The following SEZ6L variants were observed in gnomAD, a reference collection of about 807,000 sequenced individuals.
The protein encoded by SEZ6L is seizure 6-like protein.
A neutral mutation model predicts 106.2 loss-of-function variants in SEZ6L; 37 were observed. The observed-to-expected ratio is 0.35, with a 90% CI of 0.27 to 0.46. The LOEUF (loss-of-function observed/expected upper bound fraction) is 0.46. SEZ6L is among the 20% of genes least tolerant of loss of function. The probability of loss-of-function intolerance (pLI) is 1.00; values close to 1 mark genes in which losing one functional copy is unlikely to be tolerated. For synonymous variants in SEZ6L, 541 were observed against 570.4 expected, an observed-to-expected ratio of 0.95 and a Z score of 0.73; for missense variants, 1,172 against 1,332.8, an observed-to-expected ratio of 0.88 and a Z score of 1.88.
intron 14 of SEZ6L, 40 bp downstream of exon 14, chr22:26,373,523 A>G (rs1241964347): frequency 1.3e-6 from 2 of 1,513,482 alleles, no homozygotes; most frequent in Non-Finnish European, 1.8e-6. Context: ...TCAATAAATC[A>G]AACTAATAGC....
chr22:26,245,009 C>G (rs904405796), intron 1 of SEZ6L, among the ~76,000 whole-genome samples: 2 of 152,146 alleles, frequency 1.3e-5, no homozygotes, highest in East Asian at 3.9e-4. Context: ...ATTATTTGGG[C>G]AGCACGCAAG....
At chr22:26,242,302 G>T (rs5761434) in intron 1 of SEZ6L, among the ~76,000 whole-genome samples, 38,786 of 152,178 alleles carry the variant, frequency 0.25, 5,166 homozygotes, top group East Asian at 0.42. Flanking sequence ...ATATCCTCCA[G>T]TCCATGGGGC....
Position 26,369,341 on chromosome 22 carries a change from C to CTT in SEZ6L, c.2794+3778_2794+3779dup, listed in dbSNP as rs199641007. Among the ~76,000 whole-genome samples, 60 of 103,764 alleles carry CTT rather than the reference C, an allele frequency of 5.8e-4. 19 individuals carry two copies. Among genetic ancestry groups the CTT allele is most frequent in the East Asian group, 4.8e-3 (11 of 2,278 alleles). 68.1% of individuals were successfully genotyped at this position (103,764 alleles called of 152,430 possible). A position where few individuals can be genotyped will look rare whatever the true frequency, so the allele number is the denominator to read the frequency against. The stretch of plus-strand genomic sequence containing the variant: ...ATGACAATGACTTATATAAGCAGTT[C>CTT]TTTTGTTTTTTTTTTTGAGACAGAT... On this transcript the variant is annotated intron_variant, in intron 13 of 16. Coordinates refer to ENST00000248933, the MANE Select transcript of SEZ6L (RefSeq NM_021115.5).
intron 1 of SEZ6L, among the ~76,000 whole-genome samples, chr22:26,180,954 G>C (rs1231712105): frequency 6.6e-6 from 1 of 152,182 alleles, no homozygotes; most frequent in Non-Finnish European, 1.5e-5. Context: ...ACAGGATTAG[G>C]ACTGAGGTAG....
intron 9 of SEZ6L, among the ~76,000 whole-genome samples, chr22:26,318,608 A>G (rs1378735970): frequency 6.6e-6 from 1 of 152,166 alleles, no homozygotes; most frequent in Non-Finnish European, 1.5e-5. Context: ...AATAAATTGT[A>G]TTATTTGTTC....
intron 13 of SEZ6L, 152 bp downstream of exon 13, chr22:26,365,718 A>G (rs985245229): frequency 7.8e-6 from 5 of 639,708 alleles, no homozygotes; most frequent in Admixed American, 6.0e-5. Context: ...TACCAAAAAA[A>G]AAAAAATTAG....
At chr22:26,325,824 T>A (rs986608837) in intron 9 of SEZ6L, among the ~76,000 whole-genome samples, 1 of 152,118 alleles carries the variant, frequency 6.6e-6, no homozygotes, top group Non-Finnish European at 1.5e-5. Flanking sequence ...CTTAGTACAT[T>A]ACACACACTC....
intron 1 of SEZ6L, among the ~76,000 whole-genome samples, chr22:26,200,455 T>G (rs1348580867): frequency 6.6e-6 from 1 of 152,126 alleles, no homozygotes; most frequent in East Asian, 1.9e-4. Flanking sequence ...CAGTCCCACC[T>G]CAAGTTAGTG....
chr22:26,283,128 G>T (rs2080826275), intron 1 of SEZ6L, among the ~76,000 whole-genome samples: 1 of 151,982 alleles, frequency 6.6e-6, no homozygotes, highest in African/African-American at 2.4e-5. Context: ...CACCATATTG[G>T]CCAGGCTGGT....
chr22:26,203,845 A>G (rs557291285), intron 1 of SEZ6L, among the ~76,000 whole-genome samples: 1 of 152,310 alleles, frequency 6.6e-6, no homozygotes, highest in African/African-American at 2.4e-5. Context: ...TATTTTGAAC[A>G]ATGTAGACCC....
At chr22:26,312,039 C>A in intron 8 of SEZ6L, 77 bp downstream of exon 8, 1 of 1,380,296 alleles carries the variant, frequency 7.2e-7, no homozygotes, top group Non-Finnish European at 1.0e-6. Flanking sequence ...AAGGCCCCAG[C>A]TTAGAGGCCT....
intron 1 of SEZ6L, among the ~76,000 whole-genome samples, chr22:26,181,459 T>A (rs1485606584): frequency 6.6e-6 from 1 of 152,208 alleles, no homozygotes; most frequent in Non-Finnish European, 1.5e-5. Context: ...GAAAGGAAAT[T>A]TGCATAATTT....
intron 11 of SEZ6L, among the ~76,000 whole-genome samples, chr22:26,349,787 A>T (rs113486551): frequency 2.6e-5 from 4 of 152,204 alleles, no homozygotes; most frequent in African/African-American, 7.2e-5. Context: ...CACCCAGCAG[A>T]TCCATTCTTA....
At chr22:26,229,720 A>T (rs892198288) in intron 1 of SEZ6L, among the ~76,000 whole-genome samples, 4 of 152,180 alleles carry the variant, frequency 2.6e-5, no homozygotes, top group Non-Finnish European at 5.9e-5. Flanking sequence ...GTCCCTGGGG[A>T]TGGGACCTGG....
chr22:26,170,988 C>T (rs1569350926), intron 1 of SEZ6L, among the ~76,000 whole-genome samples: 1 of 152,224 alleles, frequency 6.6e-6, no homozygotes, highest in Non-Finnish European at 1.5e-5. Context: ...ACCAAAGGCC[C>T]TGGACAGCTC....
intron 1 of SEZ6L, among the ~76,000 whole-genome samples, chr22:26,195,806 T>TTGTG (rs542643953): frequency 9.3e-5 from 14 of 150,732 alleles, no homozygotes; most frequent in Non-Finnish European, 1.6e-4. Flanking sequence ...TATATATAGT[T>TTGTG]TGTGTGTGTG....
chr22:26,368,986 G>T (rs1357260482), intron 13 of SEZ6L, among the ~76,000 whole-genome samples: 1 of 152,120 alleles, frequency 6.6e-6, no homozygotes, highest in Non-Finnish European at 1.5e-5. Flanking sequence ...AGTCACCGCA[G>T]CATGGAAACC....
intron 12 of SEZ6L, among the ~76,000 whole-genome samples, chr22:26,363,450 A>T (rs1433128211): frequency 2.0e-5 from 3 of 152,242 alleles, no homozygotes; most frequent in Non-Finnish European, 4.4e-5. Context: ...GAGTAAATAA[A>T]GGAATGCTTC....
intron 1 of SEZ6L, among the ~76,000 whole-genome samples, chr22:26,179,393 A>G (rs1939234851): frequency 6.6e-6 from 1 of 152,170 alleles, no homozygotes; most frequent in Non-Finnish European, 1.5e-5. Context: ...CTTGTATTTA[A>G]AAAACAACAA....
Sources: gnomAD v4.1 joint callset for allele counts (sites outside exome capture counted in the v4.1 genomes callset) on GRCh38, gnomAD v4.1.1 for gene constraint, MANE v1.5 for transcripts, NCBI Gene and HGNC (gene_info 2026-07-23, HGNC 2026-07-21) for gene names.